MMP28: variants seen among roughly 807,000 people sequenced by gnomAD.
MMP28 encodes the protein matrix metallopeptidase 28.
A neutral mutation model predicts 60.5 loss-of-function variants in MMP28; 55 were observed. The observed-to-expected ratio is 0.91, with a 90% confidence interval of 0.73 to 1.14. MMP28 has a LOEUF of 1.14. Ranked by LOEUF, MMP28 falls within the 50% of genes most tolerant of loss-of-function variation. The pLI is 0.00. For synonymous variants in MMP28, 318 were observed against 312.5 expected (o/e 1.02, Z -0.18); for missense variants, 686 against 738.3 (o/e 0.93, Z 0.82).
Position 35,779,328 on chromosome 17 carries a change from G to A in MMP28, c.112-5C>T, listed in dbSNP as rs567652662. 2.5e-5 allele frequency: 40 copies of A among 1,609,794 alleles called. No homozygotes were observed. The highest frequency in any genetic ancestry group is 1.7e-4 in the Middle Eastern group (1 of 6,046). ...TCCGTACTTCTCTAGGAATGCCTGC[G>A]GGAGAGAGGAATATCTGCTTTTTCC... On this transcript the variant is annotated splice_region_variant and splice_polypyrimidine_tract_variant and intron_variant, in intron 1 of 7. Coordinates refer to ENST00000605424, the MANE Select transcript of MMP28 (RefSeq NM_024302.5).
chr17:35,782,069 T>TTTG (rs2086521865), intron 1 of MMP28, among the ~76,000 whole-genome samples: 1 of 150,030 alleles, frequency 6.7e-6, no homozygotes, highest in African/African-American at 2.5e-5. Context: ...TTTTTTTTTT[T>TTTG]GAGACAGAGT....
At chr17:35,794,570 G>C (rs2086910294) in intron 1 of MMP28, among the ~76,000 whole-genome samples, 1 of 152,008 alleles carries the variant, frequency 6.6e-6, no homozygotes, top group African/African-American at 2.4e-5. Context: ...GAAAATAGAT[G>C]CCTTATATTG....
At chr17:35,785,000 G>A (rs2086607630) in intron 1 of MMP28, among the ~76,000 whole-genome samples, 1 of 152,172 alleles carries the variant, frequency 6.6e-6, no homozygotes, top group African/African-American at 2.4e-5. Context: ...AAAAGCTTGT[G>A]CCAACATGCC....
chr17:35,795,303 C>A lies in MMP28; in HGVS notation c.75G>T (p.Ala25=), dbSNP rs2086937790. The A allele has an allele frequency of 6.8e-7, 1 of 1,464,906 alleles. No individual in the cohort carries two copies. The highest frequency in any genetic ancestry group is 1.5e-5 in the African/African-American group (1 of 68,424). 90.7% of individuals were successfully genotyped at this position (1,464,906 alleles called of 1,614,324 possible). A position where few individuals can be genotyped will look rare whatever the true frequency, so the allele number is the denominator to read the frequency against. ...LLWGHLDAQP[A]ERGGQELRKE... The stretch of plus-strand genomic sequence containing the variant: ...TGCGCAGCTCCTGGCCTCCGCGCTC[C>A]GCGGGCTGGGCGTCCAGGTGGCCCC... The change falls in exon 1 of 8, where the codon GCG becomes GCT. Residue 25 remains alanine (A), a synonymous_variant. Coordinates refer to ENST00000605424, the MANE Select transcript of MMP28 (RefSeq NM_024302.5).
chr17:35,757,145 T>C (rs1477750810), intron 2 of MMP28: 4 of 150,394 alleles, frequency 2.7e-5, no homozygotes, highest in African/African-American at 1.0e-4. Flanking sequence ...AGGGAGACTC[T>C]GTCTCAAAAT....
In MMP28 at chr17:35,758,094, T is replaced by C. The variant is rs144225213; in HGVS notation, c.266-1675A>G. 490 of 152,368 alleles carry C rather than the reference T, an allele frequency of 3.2e-3. 4 individuals carry two copies. Among genetic ancestry groups the C allele is most frequent in the African/African-American group, 0.011 (473 of 41,590 alleles). 9.4% of individuals were successfully genotyped at this position (152,368 alleles called of 1,614,324 possible). ...GTTTAATATGAAAAAATTGTAGCTT[T>C]ACCTGTGATAACTGACTTTGTCTTG... On this transcript the variant is annotated intron_variant, in intron 2 of 2. Coordinates refer to the MMP28 transcript ENST00000615317.
At position 35,767,655 on chromosome 17, in the gene MMP28, G is replaced by A. The variant is rs1598418453; in HGVS notation, c.1168+97C>T. The A allele has an allele frequency of 2.1e-5, 29 of 1,399,070 alleles. No homozygotes were observed. The East Asian group carries it at 3.7e-4, about 18-fold the overall frequency. The allele number at this position is 1,399,070 out of a possible 1,614,324, so 86.7% of individuals were successfully genotyped here. On this transcript the variant is annotated intron_variant, in intron 7 of 7. Transcript: ENST00000605424. ...GGAATGGAGACTCCACCATGGACTC[G>A]TGTGAGAGTCTTCCCCTCTTTTGTC...
chr17:35,765,013 C>T (rs1178787571), downstream of MMP28: 1 of 153,706 alleles, frequency 6.5e-6, no homozygotes, highest in Non-Finnish European at 1.4e-5. Flanking sequence ...TCAGGGTTCC[C>T]TCATCCCTCT....
chr17:35,780,604 G>A (rs1555609106), intron 1 of MMP28, among the ~76,000 whole-genome samples: 1 of 152,078 alleles, frequency 6.6e-6, no homozygotes, highest in African/African-American at 2.4e-5. Context: ...AGAGGCCGAG[G>A]TGGGCACATC....
intron 1 of MMP28, among the ~76,000 whole-genome samples, chr17:35,787,906 T>C (rs2086700860): frequency 7.2e-6 from 1 of 138,798 alleles, no homozygotes; most frequent in Non-Finnish European, 1.5e-5. Flanking sequence ...TCCCTTTTTT[T>C]TTTTTTTTTT....
At chr17:35,786,059 T>C (rs2086638970) in intron 1 of MMP28, among the ~76,000 whole-genome samples, 1 of 147,668 alleles carries the variant, frequency 6.8e-6, no homozygotes, top group Non-Finnish European at 1.5e-5. Flanking sequence ...CCTTCTTGTT[T>C]TTTTTTTTTT....
chr17:35,779,397 C>A, intron 1 of MMP28, 74 bp from the exon 2 acceptor site: 1 of 1,212,858 alleles, frequency 8.2e-7, no homozygotes, highest in Non-Finnish European at 1.2e-6. Flanking sequence ...GCCCAGGGCA[C>A]ATACATCCTG....
downstream of MMP28, chr17:35,764,761 C>A: frequency 2.2e-6 from 2 of 921,614 alleles, no homozygotes; most frequent in African/African-American, 3.5e-5. Flanking sequence ...GCGCCCCCAT[C>A]CGTCAAGAAG....
chr17:35,758,712 TAAAATAAAATAATAA>T lies in MMP28; in HGVS notation c.266-2308_266-2294del, dbSNP rs2085768058. The stretch of plus-strand genomic sequence containing the variant: ...ATCTCAAAAAATAAATAAAATAAAA[TAAAATAAAATAATAA>T]AATAAATTCTAGTGTGCTTTTATGC... On this transcript the variant is annotated intron_variant, in intron 2 of 2. Transcript: ENST00000615317. 2.0e-5 allele frequency among the ~76,000 whole-genome samples: 3 copies of T among 151,964 alleles called. No homozygotes were observed. The South Asian group carries it at 6.2e-4, about 32-fold the overall frequency.
In MMP28 at chr17:35,766,510, G is replaced by A. The variant is rs1555603195; in HGVS notation, c.1553C>T (p.Ala518Val). The change falls in exon 8 of 8, where the codon GCC (alanine) becomes GTC (valine). Residue 518 changes from alanine to valine, a missense_variant. By Grantham distance (64) the Ala-to-Val change is moderately conservative. Coordinates refer to ENST00000605424, the MANE Select transcript of MMP28 (RefSeq NM_024302.5). The surrounding 1 kb of genome is among the most constrained non-coding windows in gnomAD (Gnocchi z 4.3). ...MGCWHANSGS[A>V]LF ...GGTGAGGAGGTGCCTTCAGAACAGG[G>A]CGCTCCCCGAGTTGGCATGCCAGCA... is the stretch of plus-strand genomic sequence containing the variant. 1 of 1,591,506 alleles carries A rather than the reference G, an allele frequency of 6.3e-7. No individual in the cohort carries two copies.
chr17:35,769,967 G>A, intron 5 of MMP28, 100 bp downstream of exon 5: 1 of 1,400,194 alleles, frequency 7.1e-7, no homozygotes, highest in Non-Finnish European at 9.5e-7. Context: ...AGATCTATGA[G>A]CTTAGGATGG....
At position 35,770,071 on chromosome 17, in the gene MMP28, C is replaced by T; in HGVS notation, c.846G>A (p.Leu282=). Residue 282 remains leucine, a synonymous_variant, in exon 5 of 8, where the codon CTG becomes CTA. Transcript: ENST00000605424. ...SWDDVLAVQS[L]YGKPLGGSVA... is the part of the protein sequence containing the mutation. ...GGGCATGTCCCGGGGCCTCACCATACAGGCTCTGCACGGCCAGCACGTCGT... is the reference window on the plus strand; with the variant it reads ...GGGCATGTCCCGGGGCCTCACCATATAGGCTCTGCACGGCCAGCACGTCGT... 6.4e-7 allele frequency: 1 copy of T among 1,571,654 alleles called. No individual in the cohort carries two copies. Among genetic ancestry groups the T allele is most frequent in the South Asian group, 1.2e-5 (1 of 84,678 alleles).
intron 3 of MMP28, among the ~76,000 whole-genome samples, chr17:35,774,179 C>T (rs1437636022): frequency 2.6e-5 from 4 of 152,242 alleles, no homozygotes; most frequent in Non-Finnish European, 4.4e-5. Context: ...GAGACTCTGG[C>T]CTCTTACCCC....
At chr17:35,764,084 G>C (rs2085881921), downstream of MMP28, 2 of 1,550,170 alleles carry the variant, frequency 1.3e-6, no homozygotes, top group African/African-American at 2.7e-5. Context: ...AGGGAAGGAG[G>C]GGTCGGAGGA....
Sources: allele counts gnomAD v4.1 joint callset (sites outside exome capture counted in the v4.1 genomes callset), GRCh38; gene constraint gnomAD v4.1.1; non-coding constraint Gnocchi (gnomAD v3.1); transcripts MANE v1.5; gene names NCBI Gene and HGNC (gene_info 2026-07-23, HGNC 2026-07-21).